RSPH14: variants seen among roughly 807,000 people sequenced by gnomAD.
RSPH14 encodes the protein radial spoke head 14 homolog, also known as rhabdoid tumor deletion region gene 1.
In RSPH14, 20 loss-of-function variants were observed where a neutral mutation model predicts 26.7. The observed-to-expected ratio is 0.75, with a 90% CI of 0.53 to 1.09. The LOEUF (loss-of-function observed/expected upper bound fraction) is 1.09. Among genes scored for constraint, RSPH14 ranks in the 50% least tolerant of loss-of-function variants. The pLI, the probability that RSPH14 is intolerant of heterozygous loss-of-function variation, is 0.00. For missense variants in RSPH14, 449 were observed against 457.2 expected (o/e 0.98, Z 0.16); for synonymous variants, 177 against 189.3 (o/e 0.93, Z 0.53).
intron 4 of RSPH14, among the ~76,000 whole-genome samples, chr22:23,103,901 G>A (rs151159758): frequency 1.2e-4 from 19 of 152,324 alleles, no homozygotes; most frequent in South Asian, 4.1e-4. Flanking sequence ...AATGCTGGCC[G>A]CATGCTCTCT....
intron 4 of RSPH14, among the ~76,000 whole-genome samples, chr22:23,107,856 A>G (rs1209334526): frequency 6.6e-6 from 1 of 152,152 alleles, no homozygotes; most frequent in Non-Finnish European, 1.5e-5. Flanking sequence ...GTTCTGCCAG[A>G]TTGACCCATT....
rs534490483 is a variant in RSPH14 at position 23,064,003 on chromosome 22, G to C, written c.552C>G (p.Thr184=). 2 of 1,614,176 alleles carry C rather than the reference G, an allele frequency of 1.2e-6. No homozygotes were observed. Among genetic ancestry groups the C allele is most frequent in the Non-Finnish European group, 1.7e-6 (2 of 1,180,024 alleles). ...TLVLCLQEDA[T]EALGSNVVLV... ...GCACCACATTGCTGCCCAGGGCCTC[G>C]GTGGCATCCTCCTGCAGGCAGAGGA... The change falls in exon 5 of 7, where the codon ACC becomes ACG. Residue 184 remains threonine, a synonymous_variant. Transcript: ENST00000216036.
rs1313882877 is a variant in RSPH14, at chr22:23,064,141, G to A, written c.422-8C>T. ...TGATGATCTCTTGGGCCCCTACAAG[G>A]CAGGAAAGGGCACTGAGGGCGGGCT... is the stretch of plus-strand genomic sequence containing the variant. On this transcript the variant is annotated splice_region_variant and splice_polypyrimidine_tract_variant and intron_variant, in intron 4 of 6. Coordinates refer to ENST00000216036, the MANE Select transcript of RSPH14 (RefSeq NM_014433.3). The A allele has an allele frequency of 3.1e-6, 5 of 1,613,578 alleles. No homozygotes were observed. The highest frequency in any genetic ancestry group is 4.2e-6 in the Non-Finnish European group (5 of 1,179,646).
chr22:23,141,177 A>T (rs1312140167), intron 1 of RSPH14, among the ~76,000 whole-genome samples: 2 of 152,072 alleles, frequency 1.3e-5, no homozygotes, highest in African/African-American at 4.8e-5. Flanking sequence ...AAAAATACAA[A>T]AATTAGCTGG....
intron 4 of RSPH14, among the ~76,000 whole-genome samples, chr22:23,072,967 C>T (rs1259014960): frequency 1.3e-5 from 2 of 152,184 alleles, no homozygotes; most frequent in Admixed American, 1.3e-4. Flanking sequence ...CTGCCCAGGG[C>T]CCCCGCAGAG....
chr22:23,069,340 A>G lies in RSPH14; in HGVS notation c.422-5207T>C, dbSNP rs1173915374. On this transcript the variant is annotated intron_variant, in intron 4 of 6. Coordinates refer to ENST00000216036, the MANE Select transcript of RSPH14 (RefSeq NM_014433.3). ...ATTTGCACTTTGTCAGGGATGCTCT[A>G]GGATACACAAAGCTTCAGATTTACA... Among the ~76,000 whole-genome samples the G allele has an allele frequency of 2.0e-5, 3 of 152,232 alleles. No individual in the cohort carries two copies. The East Asian group carries it at 5.8e-4, about 29-fold the overall frequency.
At chr22:23,063,800 A>C in intron 5 of RSPH14, 102 bp downstream of exon 5, 1 of 1,050,668 alleles carries the variant, frequency 9.5e-7, no homozygotes, top group Non-Finnish European at 1.4e-6. Context: ...CAAGCAGGCA[A>C]GGGGAAGCAG....
At chr22:23,174,892 G>A in the RSPH14 span, among the ~76,000 whole-genome samples, 4 of 151,684 alleles carry the variant, frequency 2.6e-5, no homozygotes, top group African/African-American at 4.8e-5. Flanking sequence ...TGCTTGAACC[G>A]GGAAGCGGAG....
intron 4 of RSPH14, among the ~76,000 whole-genome samples, chr22:23,114,625 G>A (rs1192103680): frequency 2.0e-5 from 3 of 152,190 alleles, no homozygotes; most frequent in Admixed American, 2.0e-4. Flanking sequence ...TGGGTGTGGG[G>A]ACTAAGCTGT....
intron 4 of RSPH14, among the ~76,000 whole-genome samples, chr22:23,092,394 C>T (rs551412216): frequency 6.6e-6 from 1 of 152,284 alleles, no homozygotes; most frequent in East Asian, 1.9e-4. Flanking sequence ...GCTCATACCC[C>T]CAAACACAAC....
At chr22:23,159,154 T>A in the RSPH14 span, 3 of 1,610,988 alleles carry the variant, frequency 1.9e-6, no homozygotes, top group Non-Finnish European at 1.7e-6. Flanking sequence ...CAAGGGCCAT[T>A]TCTCCCAGTC....
intron 4 of RSPH14, among the ~76,000 whole-genome samples, chr22:23,095,028 G>A (rs562586225): frequency 6.6e-6 from 1 of 152,360 alleles, no homozygotes; most frequent in East Asian, 1.9e-4. Context: ...TCATGCACCT[G>A]GCTTCAGGTG....
At chr22:23,095,281 G>C in intron 4 of RSPH14, 1 of 196,122 alleles carries the variant, frequency 5.1e-6, no homozygotes, top group Non-Finnish European at 1.0e-5. Flanking sequence ...AGCCGGAGGC[G>C]GGGGGCTGCA....
intron 4 of RSPH14, among the ~76,000 whole-genome samples, chr22:23,096,622 C>CT (rs565056659): frequency 3.9e-5 from 6 of 152,138 alleles, no homozygotes; most frequent in Non-Finnish European, 5.9e-5. Flanking sequence ...TGTCCCATGC[C>CT]TGAAGTACTC....
At chr22:23,070,463 C>G (rs1336986217) in intron 4 of RSPH14, 4 of 149,308 alleles carry the variant, frequency 2.7e-5, no homozygotes, top group Admixed American at 6.7e-5. Flanking sequence ...GTGGGCGCCG[C>G]TGCCCGCGTC....
At chr22:23,142,378 C>T (rs898435242), upstream of RSPH14, among the ~76,000 whole-genome samples, 2 of 152,054 alleles carry the variant, frequency 1.3e-5, no homozygotes, top group African/African-American at 4.8e-5. Context: ...TGCAGTGGCG[C>T]GATCTTGACT....
upstream of RSPH14, among the ~76,000 whole-genome samples, chr22:23,149,819 A>G (rs2070999404): frequency 6.6e-6 from 1 of 152,250 alleles, no homozygotes; most frequent in African/African-American, 2.4e-5. Context: ...CTGCGGCCCC[A>G]GGTGAGACAC....
chr22:23,166,490 C>G, the RSPH14 span, among the ~76,000 whole-genome samples: 1 of 152,126 alleles, frequency 6.6e-6, no homozygotes, highest in Non-Finnish European at 1.5e-5. Context: ...CTTACCCTGA[C>G]CTTTGCCAAT....
chr22:23,120,906 T>A (rs943066197), intron 4 of RSPH14, among the ~76,000 whole-genome samples: 1 of 152,216 alleles, frequency 6.6e-6, no homozygotes, highest in African/African-American at 2.4e-5. Flanking sequence ...ATCTGTTATT[T>A]AACTGATGCA....
Sources: allele counts gnomAD v4.1 joint callset (sites outside exome capture counted in the v4.1 genomes callset), GRCh38; gene constraint gnomAD v4.1.1; transcripts MANE v1.5; gene names NCBI Gene and HGNC (gene_info 2026-07-23, HGNC 2026-07-21).